RPH3AL: variants seen among roughly 807,000 people sequenced by gnomAD.
RPH3AL encodes the protein rabphilin 3A like (without C2 domains).
Under a neutral mutation model 43.1 loss-of-function variants are expected in RPH3AL, and 38 were observed. That is an observed-to-expected ratio of 0.88 (90% CI 0.68 to 1.15). The LOEUF (loss-of-function observed/expected upper bound fraction) is 1.15. RPH3AL is among the 50% of genes most tolerant of loss of function. The pLI, the probability that RPH3AL is intolerant of heterozygous loss-of-function variation, is 0.00. For missense variants in RPH3AL, 462 were observed against 423.2 expected (o/e 1.09, Z -0.81); for synonymous variants, 189 against 176.3 (o/e 1.07, Z -0.57).
At chr17:307,440 C>A (rs1183305096) in intron 5 of RPH3AL, among the ~76,000 whole-genome samples, 2 of 152,192 alleles carry the variant, frequency 1.3e-5, no homozygotes, top group Admixed American at 1.3e-4. Context: ...GCAGGTCCTC[C>A]CCACAGCAGG....
At chr17:278,621 A>G (rs572364843) in intron 6 of RPH3AL, among the ~76,000 whole-genome samples, 1 of 152,032 alleles carries the variant, frequency 6.6e-6, no homozygotes, top group Non-Finnish European at 1.5e-5. Context: ...TCTTATCCCC[A>G]TATAAACCAG....
chr17:258,552 C>T (rs941086025), intron 6 of RPH3AL, among the ~76,000 whole-genome samples: 9 of 152,156 alleles, frequency 5.9e-5, no homozygotes, highest in African/African-American at 1.9e-4. Flanking sequence ...AGCCTCTCCT[C>T]CCCAGCTGCC....
At chr17:318,078 C>T (rs1278483979) in intron 5 of RPH3AL, among the ~76,000 whole-genome samples, 1 of 152,094 alleles carries the variant, frequency 6.6e-6, no homozygotes. Context: ...TATAATAACT[C>T]CAGTCTTAAA....
chr17:325,517 C>T (rs565424102), intron 3 of RPH3AL, among the ~76,000 whole-genome samples: 62 of 152,098 alleles, frequency 4.1e-4, no homozygotes, highest in Non-Finnish European at 8.2e-4. Context: ...TGCCTGGAAG[C>T]GCTTCCCCCC....
chr17:228,025 C>T (rs2041145703), intron 7 of RPH3AL, among the ~76,000 whole-genome samples: 1 of 152,106 alleles, frequency 6.6e-6, no homozygotes. Context: ...ACGGCTGCTC[C>T]ACCTGCACAC....
At chr17:342,432 A>T (rs2045143250) in intron 1 of RPH3AL, among the ~76,000 whole-genome samples, 2 of 152,258 alleles carry the variant, frequency 1.3e-5, no homozygotes, top group South Asian at 4.1e-4. Flanking sequence ...ACCATTCACA[A>T]TAGCCAAAGG....
intron 3 of RPH3AL, among the ~76,000 whole-genome samples, chr17:327,079 T>G (rs776556802): frequency 3.9e-5 from 6 of 152,210 alleles, no homozygotes; most frequent in Non-Finnish European, 5.9e-5. Flanking sequence ...TCTCCCTGTC[T>G]TAAGGGACTT....
At position 219,623 on chromosome 17, in the gene RPH3AL, C is replaced by G. The variant is rs1416662738; in HGVS notation, c.727G>C (p.Gly243Arg). ...RKGDKPWKES[G>R]GSVEAPRMGF... ...AGCAGCATTTCACTCCCCACCTTAC[C>G]TGACTCCTTCCAGGGTTTGTCGCCT... Residue 243 changes from glycine (G) to arginine (R), a missense_variant and splice_region_variant, in exon 8 of 10, where the codon GGT (glycine) becomes CGT (arginine). Gly to Arg is a moderately radical substitution (Grantham distance 125, BLOSUM62 -2). Transcript: ENST00000331302. The G allele has an allele frequency of 3.8e-6, 6 of 1,597,916 alleles. No individual in the cohort carries two copies. The highest frequency in any genetic ancestry group is 3.3e-5 in the South Asian group (3 of 90,738).
At chr17:232,087 CGTGT>C (rs143540972) in intron 7 of RPH3AL, among the ~76,000 whole-genome samples, 4,141 of 152,272 alleles carry the variant, frequency 0.027, 188 homozygotes, top group African/African-American at 0.094. Flanking sequence ...AAAACAAATT[CGTGT>C]GTGTGAGCTT....
At chr17:316,257 T>C in intron 5 of RPH3AL, among the ~76,000 whole-genome samples, 1 of 114,224 alleles carries the variant, frequency 8.8e-6, no homozygotes, top group African/African-American at 3.0e-5. Flanking sequence ...TGACCTGTAG[T>C]CCCTGTGACT....
At chr17:284,849 C>A (rs1328467429) in intron 5 of RPH3AL, among the ~76,000 whole-genome samples, 2 of 152,158 alleles carry the variant, frequency 1.3e-5, no homozygotes, top group Non-Finnish European at 2.9e-5. Flanking sequence ...GTCGGGGTGC[C>A]CACACGGTCA....
chr17:352,350 C>A (rs577416916), intron 1 of RPH3AL, among the ~76,000 whole-genome samples: 1 of 152,358 alleles, frequency 6.6e-6, no homozygotes, highest in South Asian at 2.1e-4. Context: ...TCCCCCAAAT[C>A]CATCTCTGTC....
At chr17:224,003 T>A (rs1322054139) in intron 7 of RPH3AL, among the ~76,000 whole-genome samples, 1 of 152,228 alleles carries the variant, frequency 6.6e-6, no homozygotes, top group African/African-American at 2.4e-5. Flanking sequence ...AGGTGCTTCA[T>A]GAAGGTCAGG....
rs2044463787 is a variant in RPH3AL, at chr17:321,301, C to T, written c.192G>A (p.Arg64=). ...AILQVIQRAE[R]LDVLEQQRIG... is the part of the protein sequence containing the mutation. ...TTCTCTGCTGCTCCAGGACGTCGAG[C>T]CGCTCTGCCCTCTGGATGACCTGCA... Residue 64 remains arginine (R), a synonymous_variant, in exon 4 of 10, where the codon CGG becomes CGA. Transcript: ENST00000331302. 1.2e-6 allele frequency: 2 copies of T among 1,610,120 alleles called. No homozygotes were observed. The highest frequency in any genetic ancestry group is 1.3e-5 in the African/African-American group (1 of 74,936).
chr17:224,129 C>T (rs1033149043), intron 7 of RPH3AL, among the ~76,000 whole-genome samples: 3 of 152,238 alleles, frequency 2.0e-5, no homozygotes, highest in Non-Finnish European at 2.9e-5. Flanking sequence ...TCAGCTCCTC[C>T]AACCTGGACT....
At chr17:281,402 T>C (rs1368519865) in intron 6 of RPH3AL, among the ~76,000 whole-genome samples, 1 of 152,030 alleles carries the variant, frequency 6.6e-6, no homozygotes, top group Non-Finnish European at 1.5e-5. Flanking sequence ...AGGCACACAG[T>C]CAGCGTTCAC....
intron 5 of RPH3AL, among the ~76,000 whole-genome samples, chr17:317,595 G>A (rs1405140218): frequency 6.6e-6 from 1 of 152,090 alleles, no homozygotes; most frequent in Non-Finnish European, 1.5e-5. Flanking sequence ...TGAAGGAGGA[G>A]CCCGCACAGT....
intron 6 of RPH3AL, among the ~76,000 whole-genome samples, chr17:278,329 C>T (rs918336023): frequency 6.6e-6 from 1 of 152,146 alleles, no homozygotes; most frequent in Non-Finnish European, 1.5e-5. Context: ...CATGTGGAAC[C>T]GTGAGTCCAT....
In RPH3AL at chr17:290,894, CAG is replaced by C. The variant is rs368813731; in HGVS notation, c.352-9042_352-9041del. Reference sequence around the variant, plus strand: ...CTTCACAGCGTCACCATCCATGGCACAGAGAGGGCTGTTCATGAGCCTCACTC... The same window carrying C: ...CTTCACAGCGTCACCATCCATGGCACAGAGGGCTGTTCATGAGCCTCACTC... On this transcript the variant is annotated intron_variant, in intron 5 of 9. Transcript: ENST00000331302. This position sits in a 1 kb window ranked among gnomAD's most constrained non-coding sequence, Gnocchi z 4.2. Among the ~76,000 whole-genome samples the C allele has an allele frequency of 1.5e-3, 223 of 152,284 alleles. 2 individuals carry two copies. Among genetic ancestry groups the C allele is most frequent in the African/African-American group, 5.2e-3 (215 of 41,548 alleles).
Sources: gnomAD v4.1 joint callset for allele counts (sites outside exome capture counted in the v4.1 genomes callset) on GRCh38, gnomAD v4.1.1 for gene constraint, Gnocchi (gnomAD v3.1) non-coding constraint, MANE v1.5 for transcripts, NCBI Gene and HGNC (gene_info 2026-07-23, HGNC 2026-07-21) for gene names.